SPINK8: variants seen among roughly 807,000 people sequenced by gnomAD.
The protein encoded by SPINK8 is serine peptidase inhibitor Kazal type 8 (putative).
A neutral mutation model predicts 14.4 loss-of-function variants in SPINK8; 12 were observed. That is an observed-to-expected ratio of 0.83 (90% confidence interval 0.53 to 1.35). The LOEUF (loss-of-function observed/expected upper bound fraction) is 1.35, where lower values mean the gene tolerates loss of function less well. Among genes scored for constraint, SPINK8 ranks in the 40% most tolerant of loss-of-function variants. The probability of loss-of-function intolerance (pLI) is 0.00; values close to 1 mark genes in which losing one functional copy is unlikely to be tolerated. For synonymous variants in SPINK8, 32 were observed against 37.6 expected (o/e 0.85, Z 0.55); for missense variants, 103 against 117.0 (o/e 0.88, Z 0.55).
chr3:48,326,325 T>G (rs1049002851), intron 4 of SPINK8, among the ~76,000 whole-genome samples: 2 of 152,080 alleles, frequency 1.3e-5, no homozygotes, highest in African/African-American at 4.8e-5. Context: ...ATGTGTGGTC[T>G]GGCCGGGCGC....
chr3:48,318,360 C>T (rs2036022674), intron 6 of SPINK8, among the ~76,000 whole-genome samples: 2 of 152,138 alleles, frequency 1.3e-5, no homozygotes, highest in South Asian at 4.1e-4. Flanking sequence ...AGGCTGGTCT[C>T]GAACTCCTGA....
At chr3:48,315,720 C>CAAAAA (rs66504818) in intron 6 of SPINK8, among the ~76,000 whole-genome samples, 103 of 21,580 alleles carry the variant, frequency 4.8e-3, no homozygotes, top group East Asian at 0.013. Flanking sequence ...GACTCCATCT[C>CAAAAA]AAAAAAAAAA....
chr3:48,331,653 G>GT (rs2036263317), intron 2 of SPINK8, among the ~76,000 whole-genome samples: 2 of 152,146 alleles, frequency 1.3e-5, no homozygotes, highest in Non-Finnish European at 2.9e-5. Context: ...AATGGCCCCT[G>GT]TTTTTGCTAG....
In SPINK8 at chr3:48,332,601, G is replaced by T. The variant is rs567565867; in HGVS notation, c.-241-130C>A. Among the ~76,000 whole-genome samples the T allele has an allele frequency of 1.7e-3, 261 of 152,184 alleles. 1 individual carries two copies. The highest frequency in any genetic ancestry group is 2.9e-3 in the Non-Finnish European group (197 of 68,014). On this transcript the variant is annotated intron_variant, in intron 1 of 7. Coordinates refer to ENST00000434006, the MANE Select transcript of SPINK8 (RefSeq NM_001080525.3). The stretch of plus-strand genomic sequence containing the variant: ...ATTCTGATTCTGCGTCCCATTGAGG[G>T]TCTACACTGGGAACTGCCTGCTGGC...
At chr3:48,310,686 A>T (rs139904492) in intron 6 of SPINK8, among the ~76,000 whole-genome samples, 2,181 of 152,082 alleles carry the variant, frequency 0.014, 29 homozygotes, top group Non-Finnish European at 0.021. Context: ...TTTAGTAGAG[A>T]CTGGGTTTCA....
intron 6 of SPINK8, among the ~76,000 whole-genome samples, chr3:48,311,128 A>G (rs1266617198): frequency 1.3e-5 from 2 of 152,220 alleles, no homozygotes; most frequent in Non-Finnish European, 2.9e-5. Context: ...GAATGACAGA[A>G]AAACACTGCA....
chr3:48,307,456 C>T (rs2035864260), intron 7 of SPINK8, among the ~76,000 whole-genome samples: 1 of 150,856 alleles, frequency 6.6e-6, no homozygotes, highest in African/African-American at 2.5e-5. Flanking sequence ...CCTCTTCCTC[C>T]CTATCCCTCT....
At chr3:48,311,395 A>G (rs989143245) in intron 6 of SPINK8, among the ~76,000 whole-genome samples, 4 of 152,218 alleles carry the variant, frequency 2.6e-5, no homozygotes, top group African/African-American at 9.6e-5. Flanking sequence ...TAGGCGAGCA[A>G]TTAGGCAAGA....
Position 48,316,496 on chromosome 3 carries a change from G to A in SPINK8, c.239+3001C>T, listed in dbSNP as rs1114321. 6.8e-3 allele frequency: 1,044 copies of A among 154,346 alleles called. 31 individuals are homozygous for A. Among genetic ancestry groups the A allele is most frequent in the Admixed American group, 0.062 (941 of 15,286 alleles). 9.6% of individuals were successfully genotyped at this position (154,346 alleles called of 1,614,324 possible). On this transcript the variant is annotated intron_variant, in intron 6 of 7. Coordinates refer to ENST00000434006, the MANE Select transcript of SPINK8 (RefSeq NM_001080525.3). ...AAGAAAATGAGAGGTGGCCAGGCACGGTGGCTCACACCTATAATCCCAGCA... is the reference window on the plus strand; with the variant it reads ...AAGAAAATGAGAGGTGGCCAGGCACAGTGGCTCACACCTATAATCCCAGCA...
intron 4 of SPINK8, among the ~76,000 whole-genome samples, chr3:48,323,955 A>G (rs901329951): frequency 7.4e-6 from 1 of 135,072 alleles, no homozygotes. Context: ...TTTGAGGTCT[A>G]TTTTGTCTAT....
intron 6 of SPINK8, among the ~76,000 whole-genome samples, chr3:48,310,497 T>A (rs1254791172): frequency 3.9e-4 from 33 of 85,440 alleles, no homozygotes; most frequent in South Asian, 1.5e-3. Flanking sequence ...AAAAAAAAAA[T>A]TTTTTTTTTT....
intron 6 of SPINK8, among the ~76,000 whole-genome samples, chr3:48,313,680 A>ACT (rs1174303679): frequency 6.6e-6 from 1 of 152,222 alleles, no homozygotes; most frequent in Non-Finnish European, 1.5e-5. Flanking sequence ...CTATAAGAGC[A>ACT]CTCTTCACAA....
chr3:48,321,163 C>T, intron 4 of SPINK8, 89 bp from the exon 5 acceptor site: 4 of 1,311,080 alleles, frequency 3.1e-6, no homozygotes, highest in South Asian at 2.8e-5. Flanking sequence ...CTAGTTGGCA[C>T]ACAGGAAGCA....
Position 48,328,287 on chromosome 3 carries a change from C to A in SPINK8, c.55G>T (p.Ala19Ser). 1 of 1,610,368 alleles carries A rather than the reference C, an allele frequency of 6.2e-7. No individual in the cohort carries two copies. Among genetic ancestry groups the A allele is most frequent in the South Asian group, 1.1e-5 (1 of 89,912 alleles). Residue 19 changes from alanine to serine, a missense_variant, in exon 4 of 8, where the codon GCC becomes TCC. Transcript: ENST00000434006. The part of the protein sequence containing the change: ...ILVLATSMWM[A>S]FAIDFPLPMA... ...ACACATAACTCACCAATTGCAAAGG[C>A]CATCCACATGGAGGTAGCTAGAACA...
At chr3:48,315,720 C>CAAAAAAAAAAAAAAA (rs66504818) in intron 6 of SPINK8, among the ~76,000 whole-genome samples, 20 of 21,920 alleles carry the variant, frequency 9.1e-4, no homozygotes, top group Non-Finnish European at 1.4e-3. Context: ...GACTCCATCT[C>CAAAAAAAAAAAAAAA]AAAAAAAAAA....
At chr3:48,333,454 C>T (rs968717695) in intron 1 of SPINK8, among the ~76,000 whole-genome samples, 81 bp downstream of exon 1, 7 of 152,174 alleles carry the variant, frequency 4.6e-5, no homozygotes, top group Admixed American at 2.0e-4. Flanking sequence ...CCTAGAGCGT[C>T]CTCTGTGGTC....
Position 48,317,371 on chromosome 3 carries a change from C to T in SPINK8, c.239+2126G>A, listed in dbSNP as rs183764743. Among the ~76,000 whole-genome samples, 274 of 152,136 alleles carry T rather than the reference C, an allele frequency of 1.8e-3. 1 individual carries two copies. The highest frequency in any genetic ancestry group is 3.1e-3 in the African/African-American group (129 of 41,524). ...GGTGTGTTGGTGTGCGCCTGTAATC[C>T]CAGCTACTCGGGAAGCTGAGGCAGG... is the stretch of plus-strand genomic sequence containing the variant. On this transcript the variant is annotated intron_variant, in intron 6 of 7. Transcript: ENST00000434006.
chr3:48,313,855 C>T (rs2035953926), intron 6 of SPINK8, among the ~76,000 whole-genome samples: 1 of 152,080 alleles, frequency 6.6e-6, no homozygotes, highest in Non-Finnish European at 1.5e-5. Context: ...AAGCCAGACA[C>T]AAAAGATCAT....
At chr3:48,307,588 AT>A (rs2035867632) in intron 7 of SPINK8, among the ~76,000 whole-genome samples, 1 of 126,298 alleles carries the variant, frequency 7.9e-6, no homozygotes, top group African/African-American at 3.2e-5. Flanking sequence ...ACTCCAATTG[AT>A]TCTCTAAGGA....
Sources: gnomAD v4.1 joint callset for allele counts (sites outside exome capture counted in the v4.1 genomes callset) on GRCh38, gnomAD v4.1.1 for gene constraint, MANE v1.5 for transcripts, NCBI Gene and HGNC (gene_info 2026-07-23, HGNC 2026-07-21) for gene names.